Variants in TLN2 observed in about 807,000 individuals in gnomAD.
TLN2 encodes the protein talin-2.
Under a neutral mutation model 294.7 loss-of-function variants are expected in TLN2, and 118 were observed. That is an observed-to-expected ratio of 0.40 (90% confidence interval 0.34 to 0.47). The LOEUF (loss-of-function observed/expected upper bound fraction) is 0.47, where lower values mean the gene tolerates loss of function less well. Among genes scored for constraint, TLN2 ranks in the 20% least tolerant of loss-of-function variants. The pLI is 0.84. For synonymous variants in TLN2, 1,431 were observed against 1,304.5 expected (o/e 1.10, Z -2.09); for missense variants, 3,083 against 3,282.2 (o/e 0.94, Z 1.48).
chr15:62,609,473 C>G (rs529655349), intron 2 of TLN2, among the ~76,000 whole-genome samples: 2 of 152,330 alleles, frequency 1.3e-5, no homozygotes, highest in East Asian at 3.9e-4. Flanking sequence ...CCGTTAGTCT[C>G]CTTCAGGCTG....
At position 62,795,034 on chromosome 15, in the gene TLN2, G is replaced by A. The variant is rs141836225; in HGVS notation, c.5884-1093G>A. Among the ~76,000 whole-genome samples, 30 of 152,306 alleles carry A rather than the reference G, an allele frequency of 2.0e-4. No individual in the cohort carries two copies. In the East Asian group the frequency reaches 5.2e-3, roughly 27 times the overall value. ...CATTGGGTGCATTGGGCCATCCTGA[G>A]GGCAAGAACGGTGTGCTGTGGCGTC... On this transcript the variant is annotated intron_variant, in intron 46 of 58. Coordinates refer to ENST00000636159, the MANE Select transcript of TLN2 (RefSeq NM_015059.3).
At chr15:62,823,921 C>G in intron 54 of TLN2, 1 of 519,050 alleles carries the variant, frequency 1.9e-6, no homozygotes, top group African/African-American at 1.9e-5. Flanking sequence ...AATACTGTGC[C>G]TAGTCTCGAG....
At chr15:62,406,431 A>G (rs2033409110) in intron 1 of TLN2, among the ~76,000 whole-genome samples, 1 of 152,220 alleles carries the variant, frequency 6.6e-6, no homozygotes, top group African/African-American at 2.4e-5. Context: ...GTGAAGCAGC[A>G]GTGTTACAGC....
At chr15:62,606,281 A>G (rs1351994400) in intron 2 of TLN2, among the ~76,000 whole-genome samples, 1 of 148,336 alleles carries the variant, frequency 6.7e-6, no homozygotes, top group African/African-American at 2.5e-5. Context: ...TAGTAGAGAC[A>G]GGGTTTCCCC....
chr15:62,551,839 A>G (rs1055014330), intron 1 of TLN2, among the ~76,000 whole-genome samples: 4 of 152,224 alleles, frequency 2.6e-5, no homozygotes, highest in Non-Finnish European at 5.9e-5. Context: ...CTTACATTGC[A>G]TTGAATTCAT....
At chr15:62,795,650 T>A (rs2141128815) in intron 46 of TLN2, among the ~76,000 whole-genome samples, 1 of 152,194 alleles carries the variant, frequency 6.6e-6, no homozygotes, top group Non-Finnish European at 1.5e-5. Flanking sequence ...GTGTGATGAG[T>A]GTTAGCAGTG....
intron 18 of TLN2, 29 bp from the exon 19 acceptor site, chr15:62,702,737 T>C: frequency 6.2e-7 from 1 of 1,609,850 alleles, no homozygotes; most frequent in Non-Finnish European, 8.5e-7. Flanking sequence ...GCGTTTTCTT[T>C]CCAATTAAGG....
intron 3 of TLN2, among the ~76,000 whole-genome samples, chr15:62,621,771 A>G (rs1053735827): frequency 6.6e-5 from 10 of 152,248 alleles, no homozygotes; most frequent in African/African-American, 2.4e-4. Context: ...TAAATGGAAC[A>G]TCATTACTTC....
intron 1 of TLN2, among the ~76,000 whole-genome samples, chr15:62,444,583 G>A (rs1422041009): frequency 2.0e-5 from 3 of 152,238 alleles, no homozygotes; most frequent in Non-Finnish European, 4.4e-5. Flanking sequence ...GCACAAGGCT[G>A]TTAGTAACTG....
At position 62,711,724 on chromosome 15, in the gene TLN2, G is replaced by C. The variant is rs146992003; in HGVS notation, c.2468-187G>C. Among the ~76,000 whole-genome samples, 12 of 152,292 alleles carry C rather than the reference G, an allele frequency of 7.9e-5. No homozygotes were observed. In the East Asian group the frequency reaches 2.3e-3, roughly 29 times the overall value. Reference sequence around the variant, plus strand: ...GCTGTGTTTGGGGAGCCGCATCCTGGCAGCCGCAGGGAATATTTTCATTTT... The same window carrying C: ...GCTGTGTTTGGGGAGCCGCATCCTGCCAGCCGCAGGGAATATTTTCATTTT... On this transcript the variant is annotated intron_variant, in intron 21 of 58. Transcript: ENST00000636159.
chr15:62,637,963 T>G (rs1175774418), intron 3 of TLN2: 2 of 152,308 alleles, frequency 1.3e-5, no homozygotes, highest in Non-Finnish European at 2.9e-5. Flanking sequence ...GTATCGAGGA[T>G]TCTTATGATG....
chr15:62,821,994 T>C (rs2067608950), intron 54 of TLN2, among the ~76,000 whole-genome samples: 1 of 152,232 alleles, frequency 6.6e-6, no homozygotes, highest in African/African-American at 2.4e-5. Context: ...TGTCCGCTAA[T>C]GCCGAAGCCA....
intron 37 of TLN2, among the ~76,000 whole-genome samples, chr15:62,756,971 AGC>A: frequency 6.6e-6 from 1 of 152,338 alleles, no homozygotes; most frequent in Non-Finnish European, 1.5e-5. Flanking sequence ...AGTTGAATAA[AGC>A]CAGTGTCCAG....
At chr15:62,393,637 T>C (rs1280783495) in intron 1 of TLN2, among the ~76,000 whole-genome samples, 2 of 152,216 alleles carry the variant, frequency 1.3e-5, no homozygotes, top group Non-Finnish European at 1.5e-5. Context: ...TGCATCTAAA[T>C]AGGTATTTAT....
At chr15:62,792,560 G>A (rs2065147588) in intron 45 of TLN2, 81 bp from the exon 46 acceptor site, 2 of 1,557,340 alleles carry the variant, frequency 1.3e-6, no homozygotes, top group Non-Finnish European at 1.7e-6. Context: ...TAGGACATAG[G>A]AGAAATTTTC....
intron 1 of TLN2, among the ~76,000 whole-genome samples, chr15:62,442,467 T>G (rs1389889532): frequency 8.4e-6 from 1 of 119,596 alleles, no homozygotes; most frequent in Non-Finnish European, 1.6e-5. Context: ...GCACTCCAGC[T>G]GGGGCACAGA....
intron 45 of TLN2, among the ~76,000 whole-genome samples, chr15:62,791,447 C>A (rs562769135): frequency 5.7e-4 from 87 of 152,264 alleles, no homozygotes; most frequent in Non-Finnish European, 1.0e-3. Flanking sequence ...TTTAAAAGTT[C>A]TTTGGGCCTT....
At position 62,414,166 on chromosome 15, in the gene TLN2, ATAT is replaced by A. The variant is rs1566953012; in HGVS notation, c.-238+23482_-238+23484del. On this transcript the variant is annotated intron_variant, in intron 1 of 58. Transcript: ENST00000636159. ...TGAAGTGTTAGCAAAAAAAAAAACT[ATAT>A]ATATATATATATATATATATATAAT... Among the ~76,000 whole-genome samples the A allele has an allele frequency of 2.3e-4, 18 of 79,304 alleles. 2 individuals are homozygous for A. Among genetic ancestry groups the A allele is most frequent in the African/African-American group, 6.7e-4 (18 of 26,882 alleles). The allele number at this position is 79,304 out of a possible 152,430, so 52.0% of individuals were successfully genotyped here. A position where few individuals can be genotyped will look rare whatever the true frequency, so the allele number is the denominator to read the frequency against.
At chr15:62,437,565 G>T (rs1301069491) in intron 1 of TLN2, among the ~76,000 whole-genome samples, 1 of 152,108 alleles carries the variant, frequency 6.6e-6, no homozygotes, top group African/African-American at 2.4e-5. Flanking sequence ...CCTGCCCCTA[G>T]GTGTTTGTTG....
Sources: gnomAD v4.1 joint callset for allele counts (sites outside exome capture counted in the v4.1 genomes callset) on GRCh38, gnomAD v4.1.1 for gene constraint, MANE v1.5 for transcripts, NCBI Gene and HGNC (gene_info 2026-07-23, HGNC 2026-07-21) for gene names.